TDRD9: variants seen among roughly 807,000 people sequenced by gnomAD.
The protein encoded by TDRD9 is tudor domain containing 9, also known as ATP-dependent RNA helicase TDRD9.
Under a neutral mutation model 172.6 loss-of-function variants are expected in TDRD9, and 124 were observed. The observed-to-expected ratio is 0.72, with a 90% CI of 0.62 to 0.83. The LOEUF is 0.83. Ranked by LOEUF, TDRD9 falls within the 40% of genes least tolerant of loss-of-function variation. The pLI is 0.00. For missense variants in TDRD9, 1,479 were observed against 1,714.1 expected (o/e 0.86, Z 2.42); for synonymous variants, 619 against 617.1 (o/e 1.00, Z -0.05).
At chr14:103,938,217 G>C (rs1389760545) in intron 1 of TDRD9, among the ~76,000 whole-genome samples, 1 of 151,624 alleles carries the variant, frequency 6.6e-6, no homozygotes, top group African/African-American at 2.4e-5. Context: ...ATGCTACCTC[G>C]AGAGCCTATT....
intron 24 of TDRD9, among the ~76,000 whole-genome samples, chr14:104,022,693 C>G (rs1240375813): frequency 6.6e-6 from 1 of 151,762 alleles, no homozygotes; most frequent in South Asian, 2.1e-4. Context: ...CACCACTGCA[C>G]TCCAGCCTGG....
chr14:104,017,333 G>C (rs2034824844), intron 22 of TDRD9, among the ~76,000 whole-genome samples: 1 of 152,104 alleles, frequency 6.6e-6, no homozygotes, highest in Non-Finnish European at 1.5e-5. Flanking sequence ...CTGTGTGTTA[G>C]GTACTTTTCA....
intron 11 of TDRD9, 83 bp downstream of exon 11, chr14:103,994,686 T>C: frequency 2.6e-6 from 3 of 1,167,270 alleles, no homozygotes; most frequent in Non-Finnish European, 3.7e-6. Context: ...ATTTTCTGGG[T>C]GTCGTGGCTC....
rs894544335 is a variant in TDRD9, at chr14:104,052,207, A to C, written c.*125A>C. 2 of 576,648 alleles carry C rather than the reference A, an allele frequency of 3.5e-6. No homozygotes were observed. The highest frequency in any genetic ancestry group is 2.4e-5 in the South Asian group (1 of 41,796). 35.7% of individuals were successfully genotyped at this position (576,648 alleles called of 1,614,324 possible). A position where few individuals can be genotyped will look rare whatever the true frequency, so the allele number is the denominator to read the frequency against. ...ACAGTCTGTGCCCACTGCATCCTAA[A>C]GGCCTTTTCTTTCTTCTTTTCTCTT... is the stretch of plus-strand genomic sequence containing the variant. On this transcript the variant is annotated 3_prime_UTR_variant, in exon 36 of 36. Coordinates refer to ENST00000409874, the MANE Select transcript of TDRD9 (RefSeq NM_153046.3).
intron 2 of TDRD9, among the ~76,000 whole-genome samples, chr14:103,959,836 G>A (rs537626187): frequency 6.6e-6 from 1 of 152,238 alleles, no homozygotes; most frequent in African/African-American, 2.4e-5. Context: ...TTTCCTTACA[G>A]TGTGAGCCTA....
At chr14:103,953,592 A>G (rs192862340) in intron 1 of TDRD9, among the ~76,000 whole-genome samples, 1 of 152,246 alleles carries the variant, frequency 6.6e-6, no homozygotes, top group African/African-American at 2.4e-5. Flanking sequence ...CAAGCTGGAG[A>G]AGAAGGAAAG....
chr14:103,999,633 T>A (rs2034183139), intron 13 of TDRD9, among the ~76,000 whole-genome samples: 1 of 143,076 alleles, frequency 7.0e-6, no homozygotes. Flanking sequence ...TTTTTTTGTT[T>A]GTTTTTTAGA....
intron 1 of TDRD9, among the ~76,000 whole-genome samples, chr14:103,933,902 T>G (rs1271154207): frequency 6.6e-6 from 1 of 152,264 alleles, no homozygotes; most frequent in Admixed American, 6.5e-5. Context: ...ATGGGTGTGT[T>G]GGACTCCAAG....
chr14:103,947,712 T>G (rs1362373660), intron 1 of TDRD9, among the ~76,000 whole-genome samples: 1 of 152,198 alleles, frequency 6.6e-6, no homozygotes, highest in Non-Finnish European at 1.5e-5. Context: ...TTACACCATA[T>G]ACAAAAATTA....
chr14:104,035,437 C>T (rs938034875), intron 32 of TDRD9, among the ~76,000 whole-genome samples: 78 of 152,268 alleles, frequency 5.1e-4, no homozygotes, highest in African/African-American at 1.8e-3. Flanking sequence ...CCGTCAGTCC[C>T]CCTTCTTGTG....
Position 104,014,810 on chromosome 14 carries a change from A to C in TDRD9, c.2192A>C (p.Glu731Ala). The C allele has an allele frequency of 6.2e-7, 1 of 1,610,560 alleles. No individual in the cohort carries two copies. The highest frequency in any genetic ancestry group is 1.7e-4 in the Middle Eastern group (1 of 6,050). The part of the protein sequence containing the change: ...VDSRRPVMDQ[E>A]YIYKQRFILQ... ...TCTCGGCGACCTGTCATGGACCAAG[A>C]GTATATATATAAGCAGCGATTCATC... Residue 731 changes from glutamate (E) to alanine (A), a missense_variant, in exon 21 of 36, where the codon GAG (glutamate) becomes GCG (alanine). Physicochemically the swap from Glu to Ala is moderately radical, Grantham distance 107. Coordinates refer to ENST00000409874, the MANE Select transcript of TDRD9 (RefSeq NM_153046.3).
chr14:103,930,848 G>A (rs1211077889), intron 1 of TDRD9, among the ~76,000 whole-genome samples: 3 of 152,178 alleles, frequency 2.0e-5, no homozygotes, highest in Admixed American at 6.5e-5. Flanking sequence ...GACCTTGTCA[G>A]AAAGTATAGA....
At chr14:104,017,070 A>G (rs1000479312) in intron 22 of TDRD9, among the ~76,000 whole-genome samples, 1 of 151,852 alleles carries the variant, frequency 6.6e-6, no homozygotes, top group Non-Finnish European at 1.5e-5. Context: ...TTTGATTGGC[A>G]CCTCTGCTCC....
rs888560147 is a variant in TDRD9 at position 103,973,148 on chromosome 14, A to T, written c.847-2241A>T. Among the ~76,000 whole-genome samples the T allele has an allele frequency of 2.3e-4, 35 of 152,214 alleles. 1 individual carries two copies. Among genetic ancestry groups the T allele is most frequent in the Non-Finnish European group, 8.8e-5 (6 of 68,030 alleles). On this transcript the variant is annotated intron_variant, in intron 6 of 35. Coordinates refer to ENST00000409874, the MANE Select transcript of TDRD9 (RefSeq NM_153046.3). ...ATGGTTGGTCAGTTTCACTGTGTTC[A>T]TGATTTATTAACAAATACGTGAAGC...
intron 9 of TDRD9, among the ~76,000 whole-genome samples, chr14:103,991,907 G>A (rs532626918): frequency 6.6e-6 from 1 of 152,160 alleles, no homozygotes; most frequent in Non-Finnish European, 1.5e-5. Flanking sequence ...ACAGACACGC[G>A]CCACCATGCT....
chr14:104,017,826 T>C (rs1339168303), intron 22 of TDRD9, among the ~76,000 whole-genome samples: 1 of 152,216 alleles, frequency 6.6e-6, no homozygotes, highest in Non-Finnish European at 1.5e-5. Flanking sequence ...AAAACAGAAG[T>C]AAACAAATCT....
At chr14:103,939,741 G>GTGTTTTTTTT (rs2031077274) in intron 1 of TDRD9, 1 of 4,642 alleles carries the variant, frequency 2.2e-4, no homozygotes, top group East Asian at 0.013. Context: ...TTGAAAAAAA[G>GTGTTTTTTTT]TGTTTTTTTT....
chr14:104,049,980 T>C (rs2035894839), intron 35 of TDRD9: 1 of 304,196 alleles, frequency 3.3e-6, no homozygotes, highest in African/African-American at 2.1e-5. Context: ...TGTTGGTCTT[T>C]GTGAAATGCA....
At chr14:103,981,984 T>C (rs377406317) in intron 7 of TDRD9, among the ~76,000 whole-genome samples, 7 of 152,242 alleles carry the variant, frequency 4.6e-5, no homozygotes, top group African/African-American at 1.7e-4. Flanking sequence ...ACTCTTGTCA[T>C]GTTACCTCAC....
Sources: allele counts gnomAD v4.1 joint callset (sites outside exome capture counted in the v4.1 genomes callset), GRCh38; gene constraint gnomAD v4.1.1; transcripts MANE v1.5; gene names NCBI Gene and HGNC (gene_info 2026-07-23, HGNC 2026-07-21).